TMEM170B: variants seen among roughly 807,000 people sequenced by gnomAD.
TMEM170B encodes transmembrane protein 170B.
In TMEM170B, 6 loss-of-function variants were observed where a neutral mutation model predicts 13.0. That is an observed-to-expected ratio of 0.46 (90% CI 0.25 to 0.91). The LOEUF (loss-of-function observed/expected upper bound fraction) is 0.91. Among genes scored for constraint, TMEM170B ranks in the 40% least tolerant of loss-of-function variants. The pLI is 0.17. For missense variants in TMEM170B, 138 were observed against 165.2 expected (o/e 0.84, Z 0.90); for synonymous variants, 61 against 64.9 (o/e 0.94, Z 0.29).
chr6:11,546,388 G>A (rs1759440355), intron 1 of TMEM170B, among the ~76,000 whole-genome samples: 1 of 152,086 alleles, frequency 6.6e-6, no homozygotes, highest in South Asian at 2.1e-4. Context: ...AGTTTATAAA[G>A]TAAAAAAGTT....
intron 1 of TMEM170B, 152 bp downstream of exon 1, chr6:11,538,526 C>G (rs1438656244): frequency 3.3e-6 from 2 of 607,794 alleles, no homozygotes; most frequent in African/African-American, 4.0e-5. Flanking sequence ...TTAATCGGAG[C>G]CACTCTGCGC....
intron 1 of TMEM170B, among the ~76,000 whole-genome samples, chr6:11,542,843 A>G (rs1759380129): frequency 6.6e-6 from 1 of 152,204 alleles, no homozygotes; most frequent in Non-Finnish European, 1.5e-5. Context: ...CATTTGTTGA[A>G]TGGCCGCTGT....
chr6:11,569,601 C>G (rs1759775151), intron 2 of TMEM170B, among the ~76,000 whole-genome samples: 1 of 152,174 alleles, frequency 6.6e-6, no homozygotes. Context: ...TGCTCATGGC[C>G]TGTTTCAGTA....
chr6:11,565,611 T>C, intron 1 of TMEM170B, 55 bp from the exon 2 acceptor site: 1 of 1,596,482 alleles, frequency 6.3e-7, no homozygotes, highest in Non-Finnish European at 8.6e-7. Context: ...TTTGTTAAAT[T>C]GAATTTTCTA....
At position 11,538,219 on chromosome 6, in the gene TMEM170B, C is replaced by A. The variant is rs1759307285; in HGVS notation, c.-59C>A. 5.2e-6 allele frequency: 5 copies of A among 967,528 alleles called. No homozygotes were observed. In the South Asian group the frequency reaches 2.4e-4, roughly 46 times the overall value. 59.9% of individuals were successfully genotyped at this position (967,528 alleles called of 1,614,324 possible). A position where few individuals can be genotyped will look rare whatever the true frequency, so the allele number is the denominator to read the frequency against. ...GCACCCGCCGCCGCCCCCCGAGCCT[C>A]GCAGCCGCCGCCGCCGCCCGGCACC... On this transcript the variant is annotated 5_prime_UTR_variant, in exon 1 of 3. Transcript: ENST00000379426.
chr6:11,565,240 G>A (rs1561687446), intron 1 of TMEM170B, among the ~76,000 whole-genome samples: 1 of 152,144 alleles, frequency 6.6e-6, no homozygotes, highest in Non-Finnish European at 1.5e-5. Flanking sequence ...ATCATTGACT[G>A]ATTTCTGGAA....
At chr6:11,542,008 CAATAATAA>C (rs1759367541) in intron 1 of TMEM170B, among the ~76,000 whole-genome samples, 1 of 113,240 alleles carries the variant, frequency 8.8e-6, no homozygotes. Flanking sequence ...TAATAAAATA[CAATAATAA>C]AATAATAATA....
rs184421130 is a variant in TMEM170B, at chr6:11,546,883, A to G, written c.97+8509A>G. 1.3e-4 allele frequency among the ~76,000 whole-genome samples: 20 copies of G among 152,330 alleles called. No homozygotes were observed. The East Asian group carries it at 3.5e-3, about 26-fold the overall frequency. ...TCATTAGGCAACACATGCCTGTACTATGTTTTTTCCTACACATGCATACCT... is the reference window on the plus strand; with the variant it reads ...TCATTAGGCAACACATGCCTGTACTGTGTTTTTTCCTACACATGCATACCT... On this transcript the variant is annotated intron_variant, in intron 1 of 2. Coordinates refer to ENST00000379426, the MANE Select transcript of TMEM170B (RefSeq NM_001100829.3).
At position 11,577,850 on chromosome 6, in the gene TMEM170B, T is replaced by C. The variant is rs1759900299; in HGVS notation, c.*2289T>C. 1 of 152,142 alleles carries C rather than the reference T, an allele frequency of 6.6e-6. No individual in the cohort carries two copies. The highest frequency in any genetic ancestry group is 2.4e-5 in the African/African-American group (1 of 41,458). The allele number at this position is 152,142 out of a possible 1,614,324, so 9.4% of individuals were successfully genotyped here. ...TTTTAGGGGTTATTTTTGGTTTCTT[T>C]GCTGTTTTCAGTTATTTCCATTGAG... On this transcript the variant is annotated 3_prime_UTR_variant, in exon 3 of 3. Coordinates refer to ENST00000379426, the MANE Select transcript of TMEM170B (RefSeq NM_001100829.3).
At position 11,568,136 on chromosome 6, in the gene TMEM170B, A is replaced by C. The variant is rs953771276; in HGVS notation, c.268+2300A>C. Among the ~76,000 whole-genome samples, 6 of 152,230 alleles carry C rather than the reference A, an allele frequency of 3.9e-5. No individual in the cohort carries two copies. The East Asian group carries it at 1.2e-3, about 29-fold the overall frequency. On this transcript the variant is annotated intron_variant, in intron 2 of 2. Transcript: ENST00000379426. The stretch of plus-strand genomic sequence containing the variant: ...GAGGAAAGGAAAGAAAGAAGAGGGG[A>C]TAGGGAGAGAGAATAAAGAGGAAGG...
intron 1 of TMEM170B, among the ~76,000 whole-genome samples, chr6:11,554,569 TTAAAG>T (rs1266190420): frequency 2.0e-5 from 3 of 152,090 alleles, no homozygotes; most frequent in Admixed American, 6.5e-5. Flanking sequence ...CCTGATTTCT[TTAAAG>T]CAAATGATAT....
chr6:11,558,751 C>T (rs144986563), intron 1 of TMEM170B, among the ~76,000 whole-genome samples: 21 of 152,260 alleles, frequency 1.4e-4, no homozygotes, highest in African/African-American at 4.6e-4. Context: ...GGGCTGTGTA[C>T]CCCATAGCAT....
chr6:11,551,545 A>G (rs1300248377), intron 1 of TMEM170B, among the ~76,000 whole-genome samples: 1 of 152,216 alleles, frequency 6.6e-6, no homozygotes, highest in Non-Finnish European at 1.5e-5. Context: ...CTGTCTCGAT[A>G]TGTAAAATCA....
In TMEM170B at chr6:11,549,782, G is replaced by A. The variant is rs552614237; in HGVS notation, c.97+11408G>A. Among the ~76,000 whole-genome samples, 322 of 152,066 alleles carry A rather than the reference G, an allele frequency of 2.1e-3. 1 individual carries two copies. The highest frequency in any genetic ancestry group is 3.3e-3 in the Non-Finnish European group (223 of 67,976). On this transcript the variant is annotated intron_variant, in intron 1 of 2. Transcript: ENST00000379426. ...TTTTCACCAAACTTTATGCAAATAGGAAGAACACAATTTCTTACTGGAGTC... is the reference window on the plus strand; with the variant it reads ...TTTTCACCAAACTTTATGCAAATAGAAAGAACACAATTTCTTACTGGAGTC...
rs1375997366 is a variant in TMEM170B, at chr6:11,575,448, A to G, written c.286A>G (p.Ile96Val). 11 of 1,613,282 alleles carry G rather than the reference A, an allele frequency of 6.8e-6. No individual in the cohort carries two copies. Among genetic ancestry groups the G allele is most frequent in the Non-Finnish European group, 9.3e-6 (11 of 1,179,542 alleles). The change falls in exon 3 of 3, where the codon ATT (isoleucine) becomes GTT (valine). Residue 96 changes from isoleucine to valine, a missense_variant. Physicochemically the swap from Ile to Val is conservative, Grantham distance 29. Transcript: ENST00000379426. The surrounding 1 kb of genome is among the most constrained non-coding windows in gnomAD (Gnocchi z 4.1). ...CTCCTTAGGTGCAGCAGTAGCGGGC[A>G]TTTACAGAGTAGCTGGGAAGAACAT... ...AMITSAAVAG[I>V]YRVAGKNMAP...
rs1175179668 is a variant in TMEM170B, at chr6:11,578,359, A to C, written c.*2798A>C. 1 of 152,072 alleles carries C rather than the reference A, an allele frequency of 6.6e-6. No homozygotes were observed. The highest frequency in any genetic ancestry group is 1.5e-5 in the Non-Finnish European group (1 of 67,968). 9.4% of individuals were successfully genotyped at this position (152,072 alleles called of 1,614,324 possible). A position where few individuals can be genotyped will look rare whatever the true frequency, so the allele number is the denominator to read the frequency against. Reference sequence around the variant, plus strand: ...GGAGGGAGGATCCTCTATAGTGGACACTCCTTTATTTAAAAAATGTTTAAT... The same window carrying C: ...GGAGGGAGGATCCTCTATAGTGGACCCTCCTTTATTTAAAAAATGTTTAAT... On this transcript the variant is annotated 3_prime_UTR_variant, in exon 3 of 3. Transcript: ENST00000379426.
intron 2 of TMEM170B, among the ~76,000 whole-genome samples, 155 bp downstream of exon 2, chr6:11,565,991 G>C (rs1337280409): frequency 1.3e-5 from 2 of 152,192 alleles, no homozygotes; most frequent in East Asian, 1.9e-4. Context: ...AAGATGAGCT[G>C]ATTTATTCAT....
At chr6:11,543,521 A>G (rs1759389970) in intron 1 of TMEM170B, among the ~76,000 whole-genome samples, 1 of 152,224 alleles carries the variant, frequency 6.6e-6, no homozygotes, top group Non-Finnish European at 1.5e-5. Flanking sequence ...CTTATTTTAC[A>G]GATTCAGATA....
At chr6:11,557,450 G>A (rs1759606252) in intron 1 of TMEM170B, among the ~76,000 whole-genome samples, 1 of 151,856 alleles carries the variant, frequency 6.6e-6, no homozygotes, top group South Asian at 2.1e-4. Flanking sequence ...AACCACCATG[G>A]CACACATTTA....
Sources: gnomAD v4.1 joint callset for allele counts (sites outside exome capture counted in the v4.1 genomes callset) on GRCh38, gnomAD v4.1.1 for gene constraint, Gnocchi (gnomAD v3.1) non-coding constraint, MANE v1.5 for transcripts, NCBI Gene and HGNC (gene_info 2026-07-23, HGNC 2026-07-21) for gene names.